Variants in PJA2 observed in about 807,000 individuals in gnomAD.
PJA2 encodes E3 ubiquitin-protein ligase Praja-2.
A neutral mutation model predicts 69.3 loss-of-function variants in PJA2; 25 were observed. That is an observed-to-expected ratio of 0.36 (90% CI 0.26 to 0.50). The LOEUF (loss-of-function observed/expected upper bound fraction) is 0.50, where lower values mean the gene tolerates loss of function less well. Among genes scored for constraint, PJA2 ranks in the 20% least tolerant of loss-of-function variants. PJA2 has a pLI of 0.96. For missense variants in PJA2, 809 were observed against 830.2 expected (o/e 0.97, Z 0.31); for synonymous variants, 308 against 277.8 (o/e 1.11, Z -1.08).
chr5:109,394,998 A>C (rs1008385750), intron 1 of PJA2, among the ~76,000 whole-genome samples: 7 of 152,316 alleles, frequency 4.6e-5, no homozygotes, highest in African/African-American at 1.4e-4. Context: ...GCTGCAATTC[A>C]TACTATCTGT....
rs1762406319 is a variant in PJA2 at position 109,355,980 on chromosome 5, A to T, written c.1699T>A (p.Ser567Thr). 1 of 1,613,754 alleles carries T rather than the reference A, an allele frequency of 6.2e-7. No individual in the cohort carries two copies. Among genetic ancestry groups the T allele is most frequent in the African/African-American group, 1.3e-5 (1 of 74,862 alleles). ...ADGLGVAEAI[S>T]YVDPQFLTYM... Reference sequence around the variant, plus strand: ...GTAAGGAACTGAGGATCCACATATGAAATAGCTTCAGCAACTCCTAGTCCA... The same window carrying T: ...GTAAGGAACTGAGGATCCACATATGTAATAGCTTCAGCAACTCCTAGTCCA... Residue 567 changes from serine (S) to threonine (T), a missense_variant, in exon 7 of 10, where the codon TCA (serine) becomes ACA (threonine). Transcript: ENST00000361189.
chr5:109,394,039 C>T (rs112189278), intron 1 of PJA2, among the ~76,000 whole-genome samples: 23 of 81,886 alleles, frequency 2.8e-4, no homozygotes, highest in Admixed American at 5.4e-4. Context: ...TTCTAATTCT[C>T]TTTTTTTTTT....
intron 6 of PJA2, among the ~76,000 whole-genome samples, chr5:109,358,281 T>C (rs1036909855): frequency 6.6e-6 from 1 of 152,242 alleles, no homozygotes. Flanking sequence ...CTTAAGGACA[T>C]GCTTCTGCTG....
chr5:109,392,211 A>G (rs1031037175), intron 1 of PJA2, among the ~76,000 whole-genome samples: 4 of 152,180 alleles, frequency 2.6e-5, no homozygotes, highest in Admixed American at 2.6e-4. Flanking sequence ...ACTTATGATA[A>G]TAAGAGGCTT....
chr5:109,396,749 A>G (rs1327408083), intron 1 of PJA2, among the ~76,000 whole-genome samples: 3 of 103,066 alleles, frequency 2.9e-5, no homozygotes, highest in African/African-American at 1.2e-4. Flanking sequence ...TAACCATCGC[A>G]AGACCAAAAA....
At chr5:109,342,191 G>GT (rs1762080665) in intron 9 of PJA2, among the ~76,000 whole-genome samples, 1 of 90,948 alleles carries the variant, frequency 1.1e-5, no homozygotes, top group African/African-American at 4.4e-5. Flanking sequence ...CGTCCGGGAG[G>GT]GAGGTGGGGG....
At chr5:109,403,085 T>C (rs980838480) in intron 1 of PJA2, among the ~76,000 whole-genome samples, 1 of 150,756 alleles carries the variant, frequency 6.6e-6, no homozygotes, top group African/African-American at 2.4e-5. Flanking sequence ...AATAAAAAGT[T>C]GACTCTGAAA....
At chr5:109,353,020 ATAGATATCTATATATTAGATACCTATAT>A (rs1204090448) in intron 7 of PJA2, among the ~76,000 whole-genome samples, 33 of 27,688 alleles carry the variant, frequency 1.2e-3, no homozygotes, top group African/African-American at 7.0e-3. Context: ...ACCTATATCT[ATAGATATCTATATATTAGATACCTATAT>A]CATAGACATC....
At chr5:109,383,793 C>A (rs1395201231) in intron 1 of PJA2, among the ~76,000 whole-genome samples, 2 of 152,008 alleles carry the variant, frequency 1.3e-5, no homozygotes, top group Admixed American at 1.3e-4. Context: ...ATTAGCCAGG[C>A]GTGGTGGTGC....
chr5:109,398,783 A>G (rs1010086406), intron 1 of PJA2, among the ~76,000 whole-genome samples: 3 of 152,148 alleles, frequency 2.0e-5, no homozygotes, highest in African/African-American at 7.2e-5. Context: ...TAATTTAAAA[A>G]AAAAAGAAAA....
intron 1 of PJA2, among the ~76,000 whole-genome samples, chr5:109,391,872 G>A (rs768685961): frequency 6.6e-6 from 1 of 152,082 alleles, no homozygotes; most frequent in Non-Finnish European, 1.5e-5. Context: ...TCGTTTACAA[G>A]AGCAACTATA....
intron 5 of PJA2, 114 bp from the exon 6 acceptor site, chr5:109,363,136 T>C (rs1275508499): frequency 1.2e-6 from 1 of 861,300 alleles, no homozygotes; most frequent in East Asian, 2.8e-5. Context: ...CTCTTGGTAC[T>C]TTTATAATTC....
intron 6 of PJA2, among the ~76,000 whole-genome samples, chr5:109,357,079 T>C (rs569762842): frequency 8.5e-5 from 13 of 152,322 alleles, no homozygotes; most frequent in African/African-American, 3.1e-4. Flanking sequence ...AATTATCCTC[T>C]CTGCAGGTAA....
At chr5:109,403,440 A>T (rs1020231047) in intron 1 of PJA2, among the ~76,000 whole-genome samples, 6 of 152,136 alleles carry the variant, frequency 3.9e-5, no homozygotes, top group African/African-American at 1.4e-4. Flanking sequence ...ACTCTAAAAA[A>T]AATTGTAAAA....
chr5:109,380,088 T>G (rs1258732630), intron 3 of PJA2, among the ~76,000 whole-genome samples: 1 of 48,040 alleles, frequency 2.1e-5, no homozygotes, highest in East Asian at 2.5e-4. Context: ...GAAGGGTTCT[T>G]TTTTTTTTTT....
intron 6 of PJA2, among the ~76,000 whole-genome samples, chr5:109,359,247 C>T (rs1325930315): frequency 2.0e-5 from 3 of 152,124 alleles, no homozygotes; most frequent in Non-Finnish European, 4.4e-5. Context: ...ATATCACATA[C>T]AAAATATGTG....
At chr5:109,396,677 G>A (rs545044333) in intron 1 of PJA2, among the ~76,000 whole-genome samples, 215 of 147,134 alleles carry the variant, frequency 1.5e-3, no homozygotes, top group Non-Finnish European at 2.7e-3. Context: ...CACCTGCCTC[G>A]ACCTCCCAAA....
chr5:109,344,840 T>G, intron 7 of PJA2, 21 bp from the exon 8 acceptor site: 1 of 1,496,504 alleles, frequency 6.7e-7, no homozygotes, highest in Non-Finnish European at 9.2e-7. Flanking sequence ...AAAGGTACAG[T>G]TCTTTGTTAG....
intron 1 of PJA2, among the ~76,000 whole-genome samples, chr5:109,405,187 T>A (rs1747655020): frequency 1.3e-5 from 2 of 152,222 alleles, no homozygotes; most frequent in Non-Finnish European, 2.9e-5. Context: ...TTATCACTTA[T>A]AATGGTATCA....
Sources: gnomAD v4.1 joint callset for allele counts (sites outside exome capture counted in the v4.1 genomes callset) on GRCh38, gnomAD v4.1.1 for gene constraint, MANE v1.5 for transcripts, NCBI Gene and HGNC (gene_info 2026-07-23, HGNC 2026-07-21) for gene names.